Variants in MET observed in about 807,000 individuals in gnomAD.
The protein encoded by MET is MET proto-oncogene, receptor tyrosine kinase.
In MET, 48 loss-of-function variants were observed where a neutral mutation model predicts 133.1. That is an observed-to-expected ratio of 0.36 (90% confidence interval 0.29 to 0.46). MET has a LOEUF of 0.46. Ranked by LOEUF, MET falls within the 20% of genes least tolerant of loss-of-function variation. The pLI is 1.00. For synonymous variants in MET, 628 were observed against 616.5 expected, an observed-to-expected ratio of 1.02 and a Z score of -0.28; for missense variants, 1,442 against 1,695.9, an observed-to-expected ratio of 0.85 and a Z score of 2.63.
chr7:116,722,893 T>C (rs1792556741), intron 2 of MET, among the ~76,000 whole-genome samples: 1 of 148,936 alleles, frequency 6.7e-6, no homozygotes, highest in Admixed American at 6.7e-5. Flanking sequence ...AACCCGACCT[T>C]TCTCTCTGGC....
chr7:116,745,078 A>C (rs1446837174), intron 5 of MET, among the ~76,000 whole-genome samples: 1 of 152,214 alleles, frequency 6.6e-6, no homozygotes, highest in East Asian at 1.9e-4. Flanking sequence ...AACTTTAGCA[A>C]AGTCTCAGGA....
chr7:116,777,578 T>C (rs1795034625), intron 16 of MET, 109 bp downstream of exon 16: 4 of 1,102,522 alleles, frequency 3.6e-6, no homozygotes, highest in South Asian at 1.3e-5. Context: ...AAAAATCAGC[T>C]ACCACTGAAA....
intron 5 of MET, among the ~76,000 whole-genome samples, chr7:116,754,937 AAGAAAGAAAGAAAGAG>A (rs1794087682): frequency 2.2e-5 from 3 of 137,152 alleles, no homozygotes; most frequent in African/African-American, 7.6e-5. Flanking sequence ...GAAAGAAAGA[AAGAAAGAAAGAAAGAG>A]AAAGAAAGAG....
intron 17 of MET, among the ~76,000 whole-genome samples, chr7:116,780,996 A>G (rs993637163): frequency 6.6e-6 from 1 of 152,216 alleles, no homozygotes; most frequent in Non-Finnish European, 1.5e-5. Context: ...CCTTCAAAGC[A>G]TACCTGTCAT....
intron 11 of MET, among the ~76,000 whole-genome samples, chr7:116,763,887 G>A (rs1053205284): frequency 6.6e-6 from 1 of 152,180 alleles, no homozygotes; most frequent in Non-Finnish European, 1.5e-5. Context: ...AAAGACTAGA[G>A]TGCAGCTTTT....
At chr7:116,685,372 T>G (rs1156833196) in intron 1 of MET, among the ~76,000 whole-genome samples, 1 of 152,116 alleles carries the variant, frequency 6.6e-6, no homozygotes, top group African/African-American at 2.4e-5. Context: ...CATCTCCACT[T>G]AGATGCCTAA....
At chr7:116,752,467 G>T (rs906824515) in intron 5 of MET, among the ~76,000 whole-genome samples, 15 of 152,212 alleles carry the variant, frequency 9.9e-5, no homozygotes, top group Non-Finnish European at 1.6e-4. Flanking sequence ...CCTGCCCACA[G>T]AGTTTCTCTG....
intron 2 of MET, among the ~76,000 whole-genome samples, chr7:116,721,397 C>T (rs1163641776): frequency 4.6e-5 from 7 of 152,050 alleles, no homozygotes; most frequent in Non-Finnish European, 1.0e-4. Flanking sequence ...ATTAGTCTTG[C>T]TAGCGGTCTA....
intron 5 of MET, among the ~76,000 whole-genome samples, chr7:116,754,108 C>T (rs1179038016): frequency 1.3e-5 from 2 of 151,906 alleles, no homozygotes; most frequent in Non-Finnish European, 2.9e-5. Context: ...GCACTGCAGA[C>T]TGGGCAAGAG....
At chr7:116,751,896 C>T (rs1793936004) in intron 5 of MET, among the ~76,000 whole-genome samples, 1 of 151,902 alleles carries the variant, frequency 6.6e-6, no homozygotes, top group Admixed American at 6.6e-5. Context: ...CCTGTCTCCA[C>T]TAAAAATAGG....
chr7:116,781,967 T>C (rs759725554), intron 17 of MET, 21 bp from the exon 18 acceptor site: 2 of 1,485,526 alleles, frequency 1.3e-6, no homozygotes, highest in Admixed American at 1.7e-5. Context: ...TTTATGCTTT[T>C]CTAACTCTCT....
At chr7:116,702,694 A>G (rs1370010879) in intron 2 of MET, among the ~76,000 whole-genome samples, 3 of 152,292 alleles carry the variant, frequency 2.0e-5, no homozygotes, top group Non-Finnish European at 2.9e-5. Context: ...TGTTATTAAC[A>G]TCTCTAATAC....
At position 116,672,423 on chromosome 7, in the gene MET, G is replaced by GC. The variant is rs1417274697; in HGVS notation, c.-165dup. 4 of 394,070 alleles carry GC rather than the reference G, an allele frequency of 1.0e-5. No individual in the cohort carries two copies. The East Asian group carries it at 1.4e-4, about 14-fold the overall frequency. 24.4% of individuals were successfully genotyped at this position (394,070 alleles called of 1,614,324 possible). A position where few individuals can be genotyped will look rare whatever the true frequency, so the allele number is the denominator to read the frequency against. On this transcript the variant is annotated 5_prime_UTR_variant, in exon 1 of 21. Transcript: ENST00000397752. Reference sequence around the variant, plus strand: ...CCCGGAGGCCCTCGCCGCCCGCGGCGCCCCGAGCGCTTTGTGAGCAGATGC... The same window carrying GC: ...CCCGGAGGCCCTCGCCGCCCGCGGCGCCCCCGAGCGCTTTGTGAGCAGATGC...
chr7:116,771,781 T>G (rs1794841857), intron 13 of MET, 68 bp from the exon 14 acceptor site: 1 of 1,611,918 alleles, frequency 6.2e-7, no homozygotes. Flanking sequence ...TTCTGGGCAC[T>G]GGGTCAAAGT....
chr7:116,769,525 C>A, intron 11 of MET, 120 bp from the exon 12 acceptor site: 1 of 1,225,984 alleles, frequency 8.2e-7, no homozygotes, highest in Non-Finnish European at 1.2e-6. Context: ...ATCATAGAAT[C>A]GTGTGCCTTG....
intron 3 of MET, among the ~76,000 whole-genome samples, chr7:116,734,615 A>G (rs1793143643): frequency 6.6e-6 from 1 of 152,236 alleles, no homozygotes; most frequent in South Asian, 2.1e-4. Context: ...AAGTCTCAAT[A>G]TCTGCAGAGC....
chr7:116,724,476 G>T (rs1792658863), intron 2 of MET, among the ~76,000 whole-genome samples: 1 of 152,148 alleles, frequency 6.6e-6, no homozygotes, highest in Non-Finnish European at 1.5e-5. Context: ...TTCCTATTCG[G>T]CCATCTTGGC....
intron 2 of MET, among the ~76,000 whole-genome samples, chr7:116,718,417 AAATAAATAAAATAAAT>A (rs1322805200): frequency 6.6e-6 from 1 of 152,054 alleles, no homozygotes; most frequent in Non-Finnish European, 1.5e-5. Flanking sequence ...AAATTTTAAA[AAATAAATAAAATAAAT>A]AATAAAACAC....
chr7:116,699,689 ATTC>A lies in MET; in HGVS notation c.611_613del (p.Ser204del), dbSNP rs764811491. 5.6e-6 allele frequency: 9 copies of A among 1,614,038 alleles called. No homozygotes were observed. Among genetic ancestry groups the A allele is most frequent in the South Asian group, 5.5e-5 (5 of 91,078 alleles). On this transcript the variant is annotated inframe_deletion, in exon 2 of 21. Transcript: ENST00000397752. Reference sequence around the variant, plus strand: ...AACTTCTTTGTAGGCAATACCATAAATTCTTCTTATTTCCCAGATCATCCATTG... The same window carrying A: ...AACTTCTTTGTAGGCAATACCATAAATTCTTATTTCCCAGATCATCCATTG...
Sources: allele counts gnomAD v4.1 joint callset (sites outside exome capture counted in the v4.1 genomes callset), GRCh38; gene constraint gnomAD v4.1.1; transcripts MANE v1.5; gene names NCBI Gene and HGNC (gene_info 2026-07-23, HGNC 2026-07-21).